Variants in WDR27 observed in about 807,000 individuals in gnomAD.
WDR27 encodes the protein WD repeat domain 27.
WDR27 carries 100 observed loss-of-function variants against 114.4 expected under a neutral mutation model. The observed-to-expected ratio is 0.87, with a 90% CI of 0.74 to 1.03. The LOEUF (loss-of-function observed/expected upper bound fraction) is 1.03. WDR27 is among the 50% of genes least tolerant of loss of function. The probability of loss-of-function intolerance (pLI) is 0.00; values close to 1 mark genes in which losing one functional copy is unlikely to be tolerated. For synonymous variants in WDR27, 449 were observed against 423.1 expected (o/e 1.06, Z -0.75); for missense variants, 1,129 against 1,092.9 (o/e 1.03, Z -0.47).
At chr6:169,573,579 G>C (rs76673185) in intron 24 of WDR27, among the ~76,000 whole-genome samples, 3,221 of 152,342 alleles carry the variant, frequency 0.021, 69 homozygotes, top group East Asian at 0.081. Flanking sequence ...AATCCCCCAT[G>C]TAGACCGAGG....
intron 25 of WDR27, among the ~76,000 whole-genome samples, chr6:169,500,910 A>C: frequency 6.6e-6 from 1 of 152,206 alleles, no homozygotes; most frequent in Non-Finnish European, 1.5e-5. Context: ...ACGACCAGGC[A>C]TGCTTATGCT....
At chr6:169,451,284 T>G in the WDR27 span, among the ~76,000 whole-genome samples, 1 of 152,214 alleles carries the variant, frequency 6.6e-6, no homozygotes. Context: ...GGAAGCCCCC[T>G]GCGCGCTTTG....
chr6:169,473,696 A>G (rs1786746111), intron 25 of WDR27, among the ~76,000 whole-genome samples: 1 of 151,888 alleles, frequency 6.6e-6, no homozygotes, highest in African/African-American at 2.4e-5. Flanking sequence ...TTTGGGGAAA[A>G]CCAGAGCCAT....
At position 169,600,783 on chromosome 6, in the gene WDR27, A is replaced by G. The variant is rs568762046; in HGVS notation, c.2424+1436T>C. 1.5e-3 allele frequency among the ~76,000 whole-genome samples: 235 copies of G among 152,338 alleles called. 4 individuals carry two copies. In the East Asian group the frequency reaches 0.035, roughly 23 times the overall value. On this transcript the variant is annotated intron_variant, in intron 23 of 25. Transcript: ENST00000448612. ...TAGAGAAAAAAGAATAAAAAGAAAC[A>G]AACAAAGCCTCCAAGAAATATGGGA... is the stretch of plus-strand genomic sequence containing the variant.
chr6:169,440,663 C>T, the WDR27 span, among the ~76,000 whole-genome samples: 2 of 152,210 alleles, frequency 1.3e-5, no homozygotes, highest in East Asian at 3.9e-4. Flanking sequence ...ACAATGAGCT[C>T]ATAATTAAAA....
intron 25 of WDR27, among the ~76,000 whole-genome samples, chr6:169,536,852 A>G (rs1311389159): frequency 6.6e-6 from 1 of 152,134 alleles, no homozygotes; most frequent in Non-Finnish European, 1.5e-5. Flanking sequence ...GTCTCTGGGT[A>G]AGGTACGTGG....
At chr6:169,435,471 C>T in the WDR27 span, among the ~76,000 whole-genome samples, 3 of 152,338 alleles carry the variant, frequency 2.0e-5, no homozygotes, top group East Asian at 5.8e-4. Flanking sequence ...AGCCTGTACC[C>T]TGCAAAGCCA....
At chr6:169,524,223 T>A (rs1185613553) in intron 25 of WDR27, among the ~76,000 whole-genome samples, 1 of 152,014 alleles carries the variant, frequency 6.6e-6, no homozygotes, top group Non-Finnish European at 1.5e-5. Flanking sequence ...AATCAATTTA[T>A]CCAATGTGGT....
At chr6:169,675,972 T>C (rs984766261) in intron 2 of WDR27, among the ~76,000 whole-genome samples, 1 of 152,162 alleles carries the variant, frequency 6.6e-6, no homozygotes, top group African/African-American at 2.4e-5. Context: ...GGCAAGGAAA[T>C]ATATTTTGGG....
At chr6:169,648,624 A>G (rs1257404472) in intron 15 of WDR27, among the ~76,000 whole-genome samples, 1 of 152,230 alleles carries the variant, frequency 6.6e-6, no homozygotes, top group East Asian at 1.9e-4. Context: ...TGCAAAGTAG[A>G]CCCATGTACG....
chr6:169,664,538 G>A, intron 7 of WDR27: 1 of 1,352,536 alleles, frequency 7.4e-7, no homozygotes, highest in Non-Finnish European at 9.5e-7. Context: ...ATCCTACTGT[G>A]CAGGCCTCCC....
chr6:169,554,447 G>A (rs1798596558), intron 25 of WDR27, among the ~76,000 whole-genome samples: 1 of 152,180 alleles, frequency 6.6e-6, no homozygotes, highest in African/African-American at 2.4e-5. Flanking sequence ...TCATGGCCCT[G>A]CTTGTCAACT....
At position 169,684,388 on chromosome 6, in the gene WDR27, G is replaced by A. The variant is rs533982167; in HGVS notation, c.189+4429C>T. 2.0e-5 allele frequency among the ~76,000 whole-genome samples: 3 copies of A among 152,188 alleles called. No homozygotes were observed. The highest frequency in any genetic ancestry group is 1.9e-4 in the East Asian group (1 of 5,174). ...TACTTCTGGGCTGCCCAATGTCCCC[G>A]AGTCTCCAATAAAGGCCTGAGAAAC... On this transcript the variant is annotated intron_variant, in intron 2 of 25. Transcript: ENST00000448612. The surrounding 1 kb of genome is among the most constrained non-coding windows in gnomAD (Gnocchi z 4.3).
At chr6:169,587,321 C>T (rs891620655) in intron 23 of WDR27, among the ~76,000 whole-genome samples, 12 of 149,378 alleles carry the variant, frequency 8.0e-5, no homozygotes, top group East Asian at 4.0e-4. Flanking sequence ...TGGGCTCAAG[C>T]GATTCTCCTG....
At chr6:169,494,685 C>A (rs555254748) in intron 25 of WDR27, among the ~76,000 whole-genome samples, 3 of 152,270 alleles carry the variant, frequency 2.0e-5, no homozygotes, top group African/African-American at 7.2e-5. Context: ...AGCCTGCTGG[C>A]CACTGCAAAA....
downstream of WDR27, among the ~76,000 whole-genome samples, chr6:169,456,369 G>A (rs187179933): frequency 3.8e-3 from 578 of 150,880 alleles, 6 homozygotes; most frequent in African/African-American, 0.013. This position sits in a 1 kb window ranked among gnomAD's most constrained non-coding sequence, Gnocchi z 4.0. Flanking sequence ...GAGACAAGTG[G>A]TGGCTGGTGA....
At chr6:169,693,427 G>GA (rs1198657288) in intron 1 of WDR27, among the ~76,000 whole-genome samples, 2 of 151,896 alleles carry the variant, frequency 1.3e-5, no homozygotes, top group Non-Finnish European at 2.9e-5. Flanking sequence ...ATAACACAAT[G>GA]AAAAAAGGGT....
In WDR27 at chr6:169,481,513, C is replaced by T. The variant is rs990060515; in HGVS notation, c.2646-23879G>A. Among the ~76,000 whole-genome samples, 15 of 152,260 alleles carry T rather than the reference C, an allele frequency of 9.9e-5. No homozygotes were observed. The East Asian group carries it at 2.5e-3, about 25-fold the overall frequency. On this transcript the variant is annotated intron_variant, in intron 25 of 25. Transcript: ENST00000448612. ...CTTCGCAATAAATCTTGCTGCTGCT[C>T]ACTCTTCGGGTTCGTGGCGCCTTTA...
chr6:169,633,539 G>A lies in WDR27; in HGVS notation c.2102-471C>T, dbSNP rs184900106. Reference sequence around the variant, plus strand: ...GACAGTGCCATGTCGGCAGGTGACCGTGACGTGCTTCATAAACTTGACCTA... The same window carrying A: ...GACAGTGCCATGTCGGCAGGTGACCATGACGTGCTTCATAAACTTGACCTA... On this transcript the variant is annotated intron_variant, in intron 20 of 25. Transcript: ENST00000448612. Among the ~76,000 whole-genome samples, 1,144 of 152,334 alleles carry A rather than the reference G, an allele frequency of 7.5e-3. 2 individuals are homozygous for A. The highest frequency in any genetic ancestry group is 0.012 in the Non-Finnish European group (786 of 68,036).
Sources: allele counts gnomAD v4.1 joint callset (sites outside exome capture counted in the v4.1 genomes callset), GRCh38; gene constraint gnomAD v4.1.1; non-coding constraint Gnocchi (gnomAD v3.1); transcripts MANE v1.5; gene names NCBI Gene and HGNC (gene_info 2026-07-23, HGNC 2026-07-21).